KIF2A: variants seen among roughly 807,000 people sequenced by gnomAD.
KIF2A encodes kinesin-like protein KIF2A.
Under a neutral mutation model 100.2 loss-of-function variants are expected in KIF2A, and 22 were observed. That is an observed-to-expected ratio of 0.22 (90% CI 0.16 to 0.31). The LOEUF (loss-of-function observed/expected upper bound fraction) is 0.31. KIF2A is among the 10% of genes least tolerant of loss of function. KIF2A has a pLI of 1.00. For missense variants in KIF2A, 495 were observed against 898.7 expected (o/e 0.55, Z 5.74); for synonymous variants, 268 against 285.9 (o/e 0.94, Z 0.63).
intron 1 of KIF2A, among the ~76,000 whole-genome samples, chr5:62,346,047 T>C (rs1395709284): frequency 6.6e-6 from 1 of 151,994 alleles, no homozygotes; most frequent in Admixed American, 6.6e-5. Context: ...TTGCAGTGTT[T>C]ATAATAATAA....
chr5:62,321,174 A>G (rs892067763), intron 1 of KIF2A, among the ~76,000 whole-genome samples: 10 of 152,174 alleles, frequency 6.6e-5, no homozygotes, highest in African/African-American at 2.4e-4. Context: ...TAATCGATAG[A>G]CATTTGGGTT....
chr5:62,382,077 G>A (rs559136438), intron 20 of KIF2A, among the ~76,000 whole-genome samples: 1 of 149,304 alleles, frequency 6.7e-6, no homozygotes, highest in Admixed American at 6.7e-5. Flanking sequence ...CCATCTGGAT[G>A]TGTGTGTACA....
In KIF2A at chr5:62,361,516, T is replaced by A. The variant is rs1303927487; in HGVS notation, c.1014T>A (p.Ile338=). The change falls in exon 11 of 21, where the codon ATT becomes ATA. Residue 338 remains isoleucine, a synonymous_variant. Transcript: ENST00000407818. ...AGAACCAAGATTGTTCTAAAGGAAT[T>A]TATGCATTAGCAGGTAACTGTCCTT... ...SGKNQDCSKG[I]YALAARDVFL... 1.3e-6 allele frequency: 2 copies of A among 1,565,762 alleles called. No homozygotes were observed. Among genetic ancestry groups the A allele is most frequent in the African/African-American group, 2.7e-5 (2 of 73,716 alleles).
chr5:62,376,408 TTG>T (rs1317311064), intron 18 of KIF2A, among the ~76,000 whole-genome samples: 1 of 85,720 alleles, frequency 1.2e-5, no homozygotes, highest in East Asian at 3.3e-4. Context: ...GAAGTTTTTT[TTG>T]TTTGTTTGTT....
intron 1 of KIF2A, among the ~76,000 whole-genome samples, chr5:62,345,550 C>A (rs988622010): frequency 7.2e-5 from 11 of 151,994 alleles, no homozygotes; most frequent in African/African-American, 2.7e-4. Context: ...GTAATCCCAG[C>A]ATTTCAGCAG....
chr5:62,323,211 ACGC>A (rs955604845), intron 1 of KIF2A, among the ~76,000 whole-genome samples: 1 of 151,360 alleles, frequency 6.6e-6, no homozygotes, highest in African/African-American at 2.4e-5. Flanking sequence ...AGCCAAGATC[ACGC>A]CATTGCACTC....
In KIF2A at chr5:62,334,876, A is replaced by G. The variant is rs1746855191; in HGVS notation, c.65-12254A>G. On this transcript the variant is annotated intron_variant, in intron 1 of 20. Coordinates refer to ENST00000407818, the MANE Select transcript of KIF2A (RefSeq NM_001098511.3). Reference sequence around the variant, plus strand: ...CAGGTGGGTAGCCCCTGAGCAGGCAATTGGATTATGGAATACTCCCCGCCT... The same window carrying G: ...CAGGTGGGTAGCCCCTGAGCAGGCAGTTGGATTATGGAATACTCCCCGCCT... Among the ~76,000 whole-genome samples the G allele has an allele frequency of 2.0e-5, 3 of 152,094 alleles. No homozygotes were observed. The South Asian group carries it at 6.2e-4, about 32-fold the overall frequency.
At chr5:62,357,619 A>G in intron 7 of KIF2A, 72 bp from the exon 8 acceptor site, 4 of 745,580 alleles carry the variant, frequency 5.4e-6, no homozygotes, top group Non-Finnish European at 6.5e-6. Context: ...TGGAGGAAAT[A>G]TTACATAATT....
At chr5:62,385,436 A>C (rs372404077) in intron 20 of KIF2A, 48 bp from the exon 21 acceptor site, 22 of 1,310,110 alleles carry the variant, frequency 1.7e-5, no homozygotes, top group Non-Finnish European at 2.4e-5. Context: ...GTAAACTCTT[A>C]CTGCGTGTAA....
At chr5:62,369,016 G>C (rs531224967) in intron 16 of KIF2A, among the ~76,000 whole-genome samples, 1 of 152,176 alleles carries the variant, frequency 6.6e-6, no homozygotes, top group African/African-American at 2.4e-5. Context: ...ATAGATTCTT[G>C]CCATGTTGTA....
chr5:62,340,082 C>T (rs1386124798), intron 1 of KIF2A, among the ~76,000 whole-genome samples: 4 of 151,832 alleles, frequency 2.6e-5, no homozygotes, highest in Non-Finnish European at 4.4e-5. Context: ...ATTACAGGCA[C>T]GCACCACCAT....
chr5:62,357,929 C>T (rs1748197966), intron 8 of KIF2A, among the ~76,000 whole-genome samples, 184 bp downstream of exon 8: 1 of 152,124 alleles, frequency 6.6e-6, no homozygotes. Context: ...CATTGCCATT[C>T]CGAGTCTTGC....
intron 12 of KIF2A, 125 bp downstream of exon 12, chr5:62,362,666 C>A: frequency 5.1e-6 from 2 of 391,520 alleles, no homozygotes; most frequent in South Asian, 8.6e-5. Flanking sequence ...CGTTTACCAC[C>A]ATAATTTATG....
intron 1 of KIF2A, chr5:62,308,406 A>G: frequency 7.6e-7 from 1 of 1,317,128 alleles, no homozygotes; most frequent in Non-Finnish European, 1.1e-6. Context: ...TATACACCCA[A>G]GGGAGAGGAA....
chr5:62,321,022 G>A (rs1288546025), intron 1 of KIF2A, among the ~76,000 whole-genome samples: 3 of 152,090 alleles, frequency 2.0e-5, no homozygotes, highest in African/African-American at 4.8e-5. Context: ...GAGTATAAAC[G>A]AAACTGTACA....
chr5:62,373,756 C>A lies in KIF2A; in HGVS notation c.1830C>A (p.Asn610Lys), dbSNP rs1331898817. The A allele has an allele frequency of 6.2e-7, 1 of 1,613,060 alleles. No homozygotes were observed. The highest frequency in any genetic ancestry group is 8.5e-7 in the Non-Finnish European group (1 of 1,179,160). The change falls in exon 18 of 21, where the codon AAC (asparagine) becomes AAA (lysine). Residue 610 changes from asparagine to lysine, a missense_variant. By Grantham distance (94) the Asn-to-Lys change is moderately conservative. Around this residue, in one of 10 missense-constraint regions of KIF2A, gnomAD observed 100 missense variants for 138.2 expected, o/e 0.72. Coordinates refer to ENST00000407818, the MANE Select transcript of KIF2A (RefSeq NM_001098511.3). Reference sequence around the variant, plus strand: ...GTCCAATAATGCACCATCCACCAAACCAGATTGATGACTTAGAGACACAGT... The same window carrying A: ...GTCCAATAATGCACCATCCACCAAAACAGATTGATGACTTAGAGACACAGT... ...DVRPIMHHPPNQIDDLETQWG... is the reference protein window; with the variant it reads ...DVRPIMHHPPKQIDDLETQWG...
chr5:62,349,293 T>C (rs891395365), intron 3 of KIF2A, among the ~76,000 whole-genome samples: 28 of 151,268 alleles, frequency 1.9e-4, no homozygotes, highest in African/African-American at 6.0e-4. Flanking sequence ...TAAATAAGTA[T>C]TTTTAAAAGT....
chr5:62,325,350 C>T lies in KIF2A; in HGVS notation c.64+18814C>T, dbSNP rs184842506. Among the ~76,000 whole-genome samples the T allele has an allele frequency of 7.3e-3, 1,104 of 152,134 alleles. 16 individuals carry two copies. The highest frequency in any genetic ancestry group is 0.025 in the African/African-American group (1,053 of 41,494). ...TGTTGGCCAGGCTGGTCTCGAACTC[C>T]TGACCTCAGGTGATCCACCTGCCTC... On this transcript the variant is annotated intron_variant, in intron 1 of 20. Coordinates refer to ENST00000407818, the MANE Select transcript of KIF2A (RefSeq NM_001098511.3).
chr5:62,384,704 G>T (rs1206261153), intron 20 of KIF2A, among the ~76,000 whole-genome samples: 1 of 152,140 alleles, frequency 6.6e-6, no homozygotes, highest in Non-Finnish European at 1.5e-5. Flanking sequence ...TGACTCTAGA[G>T]CAGTACATGA....
Sources: gnomAD v4.1 joint callset for allele counts (sites outside exome capture counted in the v4.1 genomes callset) on GRCh38, gnomAD v4.1.1 for gene constraint, gnomAD v4.1.1 regional missense constraint, MANE v1.5 for transcripts, NCBI Gene and HGNC (gene_info 2026-07-23, HGNC 2026-07-21) for gene names.